CDK12: variants seen among roughly 807,000 people sequenced by gnomAD.
The protein encoded by CDK12 is cyclin dependent kinase 12, also known as cyclin-dependent kinase 12.
Under a neutral mutation model 133.8 loss-of-function variants are expected in CDK12, and 17 were observed. The observed-to-expected ratio is 0.13, with a 90% CI of 0.09 to 0.19. CDK12 has a LOEUF of 0.19. CDK12 is among the 10% of genes least tolerant of loss of function. CDK12 has a pLI of 1.00. For missense variants in CDK12, 1,508 were observed against 1,818.7 expected (o/e 0.83, Z 3.11); for synonymous variants, 694 against 683.6 (o/e 1.02, Z -0.24).
At chr17:39,502,297 C>T (rs1012971936) in intron 6 of CDK12, among the ~76,000 whole-genome samples, 12 of 152,106 alleles carry the variant, frequency 7.9e-5, no homozygotes, top group African/African-American at 1.9e-4. Context: ...GGACTACAGG[C>T]GCCCGCCACC....
intron 13 of CDK12, among the ~76,000 whole-genome samples, chr17:39,527,758 G>C (rs559317235): frequency 1.3e-5 from 2 of 152,258 alleles, no homozygotes; most frequent in Admixed American, 6.5e-5. Flanking sequence ...TGTTAGCCAG[G>C]CTGGTCTCGA....
chr17:39,487,673 G>A (rs1034641831), intron 2 of CDK12, among the ~76,000 whole-genome samples: 5 of 141,700 alleles, frequency 3.5e-5, no homozygotes, highest in Non-Finnish European at 7.5e-5. Flanking sequence ...CTGGAGTGCA[G>A]TGGCACGATC....
intron 5 of CDK12, among the ~76,000 whole-genome samples, chr17:39,497,491 C>T (rs1054784220): frequency 1.3e-5 from 2 of 149,848 alleles, no homozygotes; most frequent in South Asian, 2.1e-4. Flanking sequence ...TGCAGTGAGC[C>T]GAGATTGAGT....
intron 5 of CDK12, among the ~76,000 whole-genome samples, chr17:39,496,701 CA>C (rs578139577): frequency 6.7e-6 from 1 of 150,322 alleles, no homozygotes; most frequent in African/African-American, 2.4e-5. Context: ...AACTCTGTCT[CA>C]AAAAAAAATC....
rs760334479 is a variant in CDK12, at chr17:39,462,118, G to C, written c.47G>C (p.Gly16Ala). ...GGGGGCAAGAAGGACGGGAGTGGAG[G>C]AGCTTCTGGAACTTTGCAGCCGTCA... is the stretch of plus-strand genomic sequence containing the variant. ...RHGGKKDGSGGASGTLQPSSG... is the reference protein window; with the variant it reads ...RHGGKKDGSGAASGTLQPSSG... Residue 16 changes from glycine to alanine, a missense_variant, in exon 1 of 14, where the codon GGA becomes GCA. Transcript: ENST00000447079. 1.2e-6 allele frequency: 2 copies of C among 1,614,048 alleles called. No individual in the cohort carries two copies. The highest frequency in any genetic ancestry group is 2.7e-5 in the African/African-American group (2 of 74,928).
chr17:39,525,080 A>G (rs2054414523), intron 12 of CDK12, among the ~76,000 whole-genome samples, 195 bp downstream of exon 12: 1 of 152,226 alleles, frequency 6.6e-6, no homozygotes, highest in African/African-American at 2.4e-5. Context: ...GAAAGTCTAC[A>G]ATAGATCATT....
At chr17:39,540,263 G>A (rs2055347648) in intron 1 of CDK12, among the ~76,000 whole-genome samples, 1 of 152,208 alleles carries the variant, frequency 6.6e-6, no homozygotes, top group Non-Finnish European at 1.5e-5. Context: ...TGTTGGTGGT[G>A]ATGAAAGCTT....
intron 5 of CDK12, 102 bp from the exon 6 acceptor site, chr17:39,501,148 A>G (rs1338562142): frequency 4.1e-6 from 3 of 736,802 alleles, no homozygotes; most frequent in Non-Finnish European, 6.4e-6. Flanking sequence ...TTTTTTCTAG[A>G]GAACCTGTGG....
At chr17:39,466,615 G>GAAAAAAA (rs71147339) in intron 1 of CDK12, among the ~76,000 whole-genome samples, 10 of 31,478 alleles carry the variant, frequency 3.2e-4, no homozygotes, top group African/African-American at 3.9e-4. Context: ...AACTCTATCT[G>GAAAAAAA]AAAAAAAAAA....
At position 39,462,687 on chromosome 17, in the gene CDK12, A is replaced by G; in HGVS notation, c.616A>G (p.Thr206Ala). ...DRSKSHRKRE[T>A]PKSYKTVDSP... is the part of the protein sequence containing the mutation. The stretch of plus-strand genomic sequence containing the variant: ...GAGTAAAAGTCATCGAAAAAGGGAA[A>G]CACCCAAAAGTTACAAAACAGTGGA... Residue 206 changes from threonine (T) to alanine (A), a missense_variant, in exon 1 of 14, where the codon ACA becomes GCA. Thr to Ala is a moderately conservative substitution (Grantham distance 58). Coordinates refer to ENST00000447079, the MANE Select transcript of CDK12 (RefSeq NM_016507.4). The G allele has an allele frequency of 6.2e-7, 1 of 1,614,164 alleles. No homozygotes were observed. The highest frequency in any genetic ancestry group is 1.3e-5 in the African/African-American group (1 of 75,038).
intron 2 of CDK12, among the ~76,000 whole-genome samples, chr17:39,479,588 C>G (rs1054027264): frequency 6.6e-5 from 10 of 151,962 alleles, no homozygotes; most frequent in African/African-American, 2.4e-4. Context: ...ATAAAGCTTA[C>G]ATTAGAGGAT....
Position 39,533,064 on chromosome 17 carries a change from G to A in CDK12, c.*1748G>A, listed in dbSNP as rs929739925. On this transcript the variant is annotated 3_prime_UTR_variant, in exon 14 of 14. Transcript: ENST00000447079. ...AATAAAATCTACTTATAAGAGAAAG[G>A]TGCATTACTTAAAAAAAAAAAACTT... 1.9e-5 allele frequency: 4 copies of A among 207,972 alleles called. No homozygotes were observed. The highest frequency in any genetic ancestry group is 2.3e-5 in the African/African-American group (1 of 42,806). The allele number at this position is 207,972 out of a possible 1,614,324, so 12.9% of individuals were successfully genotyped here.
At position 39,501,319 on chromosome 17, in the gene CDK12, A is replaced by C; in HGVS notation, c.2489A>C (p.His830Pro). The stretch of plus-strand genomic sequence containing the variant: ...GGACTGCTAGAATCTGGTTTGGTGC[A>C]CTTTTCTGAGGACCATATCAAGTCG... ...LMGLLESGLV[H>P]FSEDHIKSFM... is the part of the protein sequence containing the mutation. The change falls in exon 6 of 14, where the codon CAC (histidine) becomes CCC (proline). Residue 830 changes from histidine to proline, a missense_variant. This residue lies in a region of CDK12 where 21 missense variants were observed against 17.6 expected (regional missense o/e 1.19). Transcript: ENST00000447079. The C allele has an allele frequency of 6.2e-7, 1 of 1,613,500 alleles. No individual in the cohort carries two copies. Among genetic ancestry groups the C allele is most frequent in the East Asian group, 2.2e-5 (1 of 44,838 alleles).
downstream of CDK12, chr17:39,534,725 CT>C: frequency 5.3e-6 from 1 of 188,256 alleles, no homozygotes; most frequent in Admixed American, 6.2e-5. Context: ...CTTGAAAACG[CT>C]AGACTAGGAA....
At chr17:39,473,371 T>G (rs2049946092) in intron 2 of CDK12, among the ~76,000 whole-genome samples, 1 of 152,166 alleles carries the variant, frequency 6.6e-6, no homozygotes, top group African/African-American at 2.4e-5. Flanking sequence ...AGCTTTAATT[T>G]TAATGAGTCC....
upstream of CDK12, chr17:39,544,473 T>A (rs1285699594): frequency 3.3e-6 from 1 of 303,774 alleles, no homozygotes; most frequent in Non-Finnish European, 6.6e-6. Flanking sequence ...TCTTTTTTTT[T>A]TCTTTTTTAA....
chr17:39,482,015 C>CAT (rs773073791), intron 2 of CDK12, among the ~76,000 whole-genome samples: 50 of 96,246 alleles, frequency 5.2e-4, no homozygotes, highest in Middle Eastern at 8.1e-3. Flanking sequence ...CCTGGCTTGC[C>CAT]TTTTTTTTTT....
Position 39,471,278 on chromosome 17 carries a change from G to T in CDK12, c.1446G>T (p.Lys482Asn), listed in dbSNP as rs1178416037. Residue 482 changes from lysine (K) to asparagine (N), a missense_variant, in exon 2 of 14, where the codon AAG becomes AAT. This residue lies in a region of CDK12 where 347 missense variants were observed against 330.8 expected (regional missense o/e 1.05). Transcript: ENST00000447079. ...VKNSSDTGKV[K>N]LDENSEKHLV... is the part of the protein sequence containing the mutation. Reference sequence around the variant, plus strand: ...ATTCTTCAGATACAGGGAAAGTAAAGTTGGATGAGAACTCCGAGAAGCATC... The same window carrying T: ...ATTCTTCAGATACAGGGAAAGTAAATTTGGATGAGAACTCCGAGAAGCATC... The T allele has an allele frequency of 1.1e-5, 17 of 1,612,994 alleles. No individual in the cohort carries two copies. The Admixed American group carries it at 2.8e-4, about 27-fold the overall frequency.
At chr17:39,493,563 T>G (rs1434468415) in intron 4 of CDK12, among the ~76,000 whole-genome samples, 3 of 150,476 alleles carry the variant, frequency 2.0e-5, no homozygotes. Flanking sequence ...TAACCTGAAA[T>G]AGCCACCCAC....
Sources: allele counts gnomAD v4.1 joint callset (sites outside exome capture counted in the v4.1 genomes callset), GRCh38; gene constraint gnomAD v4.1.1; regional missense constraint gnomAD v4.1.1; transcripts MANE v1.5; gene names NCBI Gene and HGNC (gene_info 2026-07-23, HGNC 2026-07-21).